COL28A1: variants seen among roughly 807,000 people sequenced by gnomAD.
COL28A1 encodes collagen alpha-1(XXVIII) chain.
Under a neutral mutation model 150.2 loss-of-function variants are expected in COL28A1, and 161 were observed. The ratio of observed to expected loss-of-function variants is 1.07; its 90% CI spans 0.94 to 1.22. COL28A1 has a LOEUF of 1.22. Among genes scored for constraint, COL28A1 ranks in the 50% most tolerant of loss-of-function variants. COL28A1 has a pLI of 0.00. For missense variants in COL28A1, 1,617 were observed against 1,388.3 expected (o/e 1.16, Z -2.62); for synonymous variants, 552 against 469.7 (o/e 1.18, Z -2.26).
rs369868569 is a variant in COL28A1, at chr7:7,490,563, G to A, written c.1095+15C>T. ...TTCAACAGTCATCAGTGGGCAAAAAGACAAGTATCTTTACCTTAATACCTT... is the reference window on the plus strand; with the variant it reads ...TTCAACAGTCATCAGTGGGCAAAAAAACAAGTATCTTTACCTTAATACCTT... On this transcript the variant is annotated intron_variant, in intron 12 of 34. Coordinates refer to ENST00000399429, the MANE Select transcript of COL28A1 (RefSeq NM_001037763.3). The A allele has an allele frequency of 9.1e-7, 1 of 1,103,058 alleles. No homozygotes were observed. The highest frequency in any genetic ancestry group is 1.4e-6 in the Non-Finnish European group (1 of 716,264). 68.3% of individuals were successfully genotyped at this position (1,103,058 alleles called of 1,614,324 possible).
In COL28A1 at chr7:7,505,998, C is replaced by G. The variant is rs1780788538; in HGVS notation, c.1026+16G>C. The G allele has an allele frequency of 1.7e-6, 2 of 1,201,344 alleles. No homozygotes were observed. The highest frequency in any genetic ancestry group is 1.5e-5 in the African/African-American group (1 of 67,250). The allele number at this position is 1,201,344 out of a possible 1,614,324, so 74.4% of individuals were successfully genotyped here. ...GAAAGGCACTCTGCCTGTCTTTAAT[C>G]AAAGGGTAAGATTACCTTATTGCCT... On this transcript the variant is annotated intron_variant, in intron 11 of 34. Transcript: ENST00000399429.
chr7:7,498,335 T>A (rs909044022), intron 11 of COL28A1, among the ~76,000 whole-genome samples: 1 of 152,176 alleles, frequency 6.6e-6, no homozygotes, highest in African/African-American at 2.4e-5. Context: ...CAAAATGAGT[T>A]GCTGGTAAAA....
In COL28A1 at chr7:7,370,740, T is replaced by G; in HGVS notation, c.3051A>C (p.Lys1017Asn). 6.2e-7 allele frequency: 1 copy of G among 1,611,068 alleles called. No homozygotes were observed. The highest frequency in any genetic ancestry group is 1.1e-5 in the South Asian group (1 of 89,968). ...AGTTACTTACTGACTCAGAAATTTC[T>G]TTTTGAGGCTCTGGAGTAGATTCAC... ...ELSESTPEPQ[K>N]EISESLSVTR... Residue 1017 changes from lysine to asparagine, a missense_variant, in exon 33 of 35, where the codon AAA becomes AAC. Physicochemically the swap from Lys to Asn is moderately conservative, Grantham distance 94 (BLOSUM62 0). Transcript: ENST00000399429.
chr7:7,446,229 A>G (rs1387160523), intron 18 of COL28A1, among the ~76,000 whole-genome samples: 1 of 152,200 alleles, frequency 6.6e-6, no homozygotes, highest in Non-Finnish European at 1.5e-5. Flanking sequence ...AACCTAGAAT[A>G]ATAGGTTTTT....
intron 25 of COL28A1, among the ~76,000 whole-genome samples, chr7:7,426,866 C>G (rs1784665595): frequency 6.6e-6 from 1 of 152,140 alleles, no homozygotes; most frequent in African/African-American, 2.4e-5. Flanking sequence ...GGTTAGAAAC[C>G]TTGAAAACAT....
At chr7:7,504,320 G>A (rs559750784) in intron 11 of COL28A1, among the ~76,000 whole-genome samples, 10 of 151,834 alleles carry the variant, frequency 6.6e-5, no homozygotes, top group Non-Finnish European at 1.3e-4. Flanking sequence ...AACAAAGCGA[G>A]AGCCCATCTC....
At chr7:7,413,675 T>C (rs1783910945) in intron 27 of COL28A1, among the ~76,000 whole-genome samples, 1 of 152,188 alleles carries the variant, frequency 6.6e-6, no homozygotes, top group Non-Finnish European at 1.5e-5. Flanking sequence ...TTTAAAATTC[T>C]GTGTGGAAGA....
chr7:7,403,816 G>A (rs980906630), intron 27 of COL28A1, among the ~76,000 whole-genome samples: 2 of 152,116 alleles, frequency 1.3e-5, no homozygotes, highest in Non-Finnish European at 2.9e-5. Context: ...ATAATTTAGT[G>A]GGTAGATTTG....
chr7:7,514,696 C>T (rs1439304593), intron 8 of COL28A1, among the ~76,000 whole-genome samples: 1 of 152,188 alleles, frequency 6.6e-6, no homozygotes, highest in Non-Finnish European at 1.5e-5. Context: ...AATTAAAAGA[C>T]TTATGAATTC....
chr7:7,532,961 G>T (rs1039349852), intron 1 of COL28A1, 49 bp from the exon 2 acceptor site: 89 of 1,394,712 alleles, frequency 6.4e-5, no homozygotes, highest in Non-Finnish European at 7.8e-5. Context: ...TATGGTGTTT[G>T]TTATTTTTAA....
chr7:7,513,374 G>A (rs1318814288), intron 8 of COL28A1, among the ~76,000 whole-genome samples: 2 of 152,136 alleles, frequency 1.3e-5, no homozygotes, highest in African/African-American at 4.8e-5. Flanking sequence ...CACTATCATA[G>A]GCTGCAAGTC....
At chr7:7,415,835 C>T (rs575220725) in intron 27 of COL28A1, among the ~76,000 whole-genome samples, 1 of 152,208 alleles carries the variant, frequency 6.6e-6, no homozygotes, top group East Asian at 1.9e-4. Context: ...CAAGGTCTCA[C>T]TCTGTCATCC....
chr7:7,427,883 G>T (rs1338528843), intron 25 of COL28A1, among the ~76,000 whole-genome samples: 1 of 152,182 alleles, frequency 6.6e-6, no homozygotes, highest in African/African-American at 2.4e-5. Context: ...CAGCATAGGA[G>T]ATTGAGCATC....
chr7:7,477,672 G>A (rs939004272), intron 13 of COL28A1, among the ~76,000 whole-genome samples: 6 of 152,290 alleles, frequency 3.9e-5, no homozygotes, highest in East Asian at 3.9e-4. Flanking sequence ...GCAGACCTTC[G>A]CAGTGAATGT....
intron 13 of COL28A1, among the ~76,000 whole-genome samples, chr7:7,486,329 G>A (rs1337711504): frequency 1.3e-5 from 2 of 152,092 alleles, no homozygotes; most frequent in African/African-American, 4.8e-5. Context: ...GTTAATTCTA[G>A]GAGGTTTTTG....
chr7:7,391,575 T>C (rs1782542796), intron 27 of COL28A1, among the ~76,000 whole-genome samples: 1 of 152,126 alleles, frequency 6.6e-6, no homozygotes, highest in Non-Finnish European at 1.5e-5. Context: ...TTGACAGTGC[T>C]GTGTAAAAGT....
At position 7,486,030 on chromosome 7, in the gene COL28A1, T is replaced by C. The variant is rs1383043475; in HGVS notation, c.1164+3359A>G. Among the ~76,000 whole-genome samples, 4 of 152,180 alleles carry C rather than the reference T, an allele frequency of 2.6e-5. 1 individual carries two copies. The highest frequency in any genetic ancestry group is 2.0e-4 in the Admixed American group (3 of 15,278). On this transcript the variant is annotated intron_variant, in intron 13 of 34. Transcript: ENST00000399429. ...TATCAAAAACATTTGCACTAAACTT[T>C]TACATCAATTTGGGAAGAATTTACA...
chr7:7,443,739 G>A, intron 19 of COL28A1, 86 bp from the exon 20 acceptor site: 4 of 1,559,548 alleles, frequency 2.6e-6, no homozygotes, highest in South Asian at 1.2e-5. Flanking sequence ...TTTATCATTA[G>A]TGGATTCAGC....
intron 21 of COL28A1, 128 bp from the exon 22 acceptor site, chr7:7,437,590 C>A: frequency 2.3e-6 from 3 of 1,332,260 alleles, no homozygotes; most frequent in East Asian, 2.8e-5. Flanking sequence ...TTTCAAAGAC[C>A]AATGTGAAAA....
Sources: gnomAD v4.1 joint callset for allele counts (sites outside exome capture counted in the v4.1 genomes callset) on GRCh38, gnomAD v4.1.1 for gene constraint, MANE v1.5 for transcripts, NCBI Gene and HGNC (gene_info 2026-07-23, HGNC 2026-07-21) for gene names.